DIP2C: variants seen among roughly 807,000 people sequenced by gnomAD.
DIP2C encodes the protein disco-interacting protein 2 homolog C.
In DIP2C, 33 loss-of-function variants were observed where a neutral mutation model predicts 192.4. The ratio of observed to expected loss-of-function variants is 0.17; its 90% CI spans 0.13 to 0.23. DIP2C has a LOEUF of 0.23. DIP2C is among the 10% of genes least tolerant of loss of function. DIP2C has a pLI of 1.00. For missense variants in DIP2C, 1,537 were observed against 2,110.1 expected, an observed-to-expected ratio of 0.73 and a Z score of 5.32; for synonymous variants, 979 against 864.1, an observed-to-expected ratio of 1.13 and a Z score of -2.33.
chr10:330,315 T>C (rs1176734253), intron 29 of DIP2C, among the ~76,000 whole-genome samples: 1 of 151,822 alleles, frequency 6.6e-6, no homozygotes, highest in Non-Finnish European at 1.5e-5. Flanking sequence ...ACCTTCATAC[T>C]AGAGAACAGA....
At chr10:288,231 C>T (rs1726039815) in intron 33 of DIP2C, 133 bp downstream of exon 33, 2 of 864,132 alleles carry the variant, frequency 2.3e-6, no homozygotes, top group Admixed American at 2.5e-5. Context: ...AGTTTCTATA[C>T]TCACTGATAT....
chr10:442,162 G>A (rs943126930), intron 3 of DIP2C, among the ~76,000 whole-genome samples: 12 of 152,186 alleles, frequency 7.9e-5, no homozygotes, highest in Non-Finnish European at 1.2e-4. Flanking sequence ...GAGTGAAGAC[G>A]GGTTGGGGGA....
intron 1 of DIP2C, among the ~76,000 whole-genome samples, chr10:583,729 G>A (rs1850806568): frequency 6.6e-6 from 1 of 152,158 alleles, no homozygotes; most frequent in African/African-American, 2.4e-5. Context: ...ATAAAATAAA[G>A]AACACCCGAT....
At chr10:477,700 G>C (rs1418855227) in intron 2 of DIP2C, among the ~76,000 whole-genome samples, 1 of 143,874 alleles carries the variant, frequency 7.0e-6, no homozygotes, top group East Asian at 2.2e-4. Context: ...CGGAGAAAAG[G>C]AAAGAATAAA....
intron 1 of DIP2C, among the ~76,000 whole-genome samples, chr10:596,012 T>TG (rs1310196492): frequency 1.3e-5 from 2 of 152,196 alleles, no homozygotes; most frequent in African/African-American, 4.8e-5. Flanking sequence ...GCACCAAGGC[T>TG]GGGGTGACTG....
intron 28 of DIP2C, among the ~76,000 whole-genome samples, chr10:343,772 T>C (rs1413157919): frequency 6.6e-6 from 1 of 152,212 alleles, no homozygotes; most frequent in Non-Finnish European, 1.5e-5. Flanking sequence ...GCACTATTTC[T>C]AGGTGGAGAA....
chr10:316,283 TA>T, intron 31 of DIP2C, among the ~76,000 whole-genome samples: 1 of 152,220 alleles, frequency 6.6e-6, no homozygotes, highest in African/African-American at 2.4e-5. Context: ...AAAGATTAAA[TA>T]ACATTTACCC....
chr10:277,484 G>A lies in DIP2C; in HGVS notation c.4512C>T (p.Asn1504=), dbSNP rs745394577. 5 of 1,614,182 alleles carry A rather than the reference G, an allele frequency of 3.1e-6. No homozygotes were observed. The South Asian group carries it at 3.3e-5, about 11-fold the overall frequency. The change falls in exon 37 of 37, where the codon AAC becomes AAT. Residue 1504 remains asparagine (N), a synonymous_variant. Transcript: ENST00000280886. The part of the protein sequence containing the change: ...EALDLVPLVT[N]VVLEEHYLIV... ...TCAGGTAGTGCTCCTCCAGGACCACGTTGGTCACCAAGGGAACCAGGTCCA... is the reference window on the plus strand; with the variant it reads ...TCAGGTAGTGCTCCTCCAGGACCACATTGGTCACCAAGGGAACCAGGTCCA...
At chr10:367,866 C>A (rs1421638583) in intron 18 of DIP2C, among the ~76,000 whole-genome samples, 1 of 152,270 alleles carries the variant, frequency 6.6e-6, no homozygotes, top group Non-Finnish European at 1.5e-5. Context: ...AGAGGACACA[C>A]ACGGGGTGGG....
intron 1 of DIP2C, among the ~76,000 whole-genome samples, chr10:591,173 A>G (rs763346200): frequency 2.0e-5 from 3 of 151,944 alleles, no homozygotes; most frequent in Non-Finnish European, 4.4e-5. Flanking sequence ...CCCAGGGTGG[A>G]GTGGAGTGGC....
In DIP2C at chr10:414,739, G is replaced by GTATATATATATATATATATATATATA. The variant is rs1554847955; in HGVS notation, c.860-630_860-629insTATATATATATATATATATATATATA. Among the ~76,000 whole-genome samples the GTATATATATATATATATATATATATA allele has an allele frequency of 1.7e-3, 155 of 90,478 alleles. 8 individuals are homozygous for GTATATATATATATATATATATATATA. The highest frequency in any genetic ancestry group is 2.4e-3 in the Non-Finnish European group (110 of 46,578). 59.4% of individuals were successfully genotyped at this position (90,478 alleles called of 152,430 possible). ...TGTGTGTGTGTGTGTGTGTGTGTGTGTACATATATATATATATAATGTGTA... is the reference window on the plus strand; with the variant it reads ...TGTGTGTGTGTGTGTGTGTGTGTGTGTATATATATATATATATATATATATATACATATATATATATATAATGTGTA... On this transcript the variant is annotated intron_variant, in intron 7 of 36. Transcript: ENST00000280886.
chr10:585,400 A>G lies in DIP2C; in HGVS notation c.86-98870T>C, dbSNP rs184558703. Among the ~76,000 whole-genome samples, 250 of 152,338 alleles carry G rather than the reference A, an allele frequency of 1.6e-3. 1 individual carries two copies. Among genetic ancestry groups the G allele is most frequent in the African/African-American group, 5.8e-3 (241 of 41,578 alleles). On this transcript the variant is annotated intron_variant, in intron 1 of 36. Coordinates refer to ENST00000280886, the MANE Select transcript of DIP2C (RefSeq NM_014974.3). ...AAACACACACAGCCCTGAGTATTCCACATAGTATTACATTCAGTAAATCGC... is the reference window on the plus strand; with the variant it reads ...AAACACACACAGCCCTGAGTATTCCGCATAGTATTACATTCAGTAAATCGC...
At chr10:577,844 AAAG>A (rs941816045) in intron 1 of DIP2C, among the ~76,000 whole-genome samples, 4 of 151,384 alleles carry the variant, frequency 2.6e-5, no homozygotes, top group African/African-American at 7.3e-5. Context: ...TTTAACCACA[AAAG>A]AAGAAAGAAC....
At chr10:538,505 C>T (rs1402410346) in intron 1 of DIP2C, among the ~76,000 whole-genome samples, 1 of 152,232 alleles carries the variant, frequency 6.6e-6, no homozygotes, top group African/African-American at 2.4e-5. Context: ...ATCCTGGACT[C>T]TTCCAGTCCG....
At chr10:508,404 G>A (rs1588337200) in intron 1 of DIP2C, among the ~76,000 whole-genome samples, 1 of 152,210 alleles carries the variant, frequency 6.6e-6, no homozygotes, top group Admixed American at 6.5e-5. Flanking sequence ...CCCCATCCTC[G>A]ATTTCCTGGT....
At position 645,300 on chromosome 10, in the gene DIP2C, C is replaced by T. The variant is rs76732524; in HGVS notation, c.85+44194G>A. 2.8e-3 allele frequency among the ~76,000 whole-genome samples: 420 copies of T among 152,232 alleles called. 16 individuals are homozygous for T. In the East Asian group the frequency reaches 0.064, roughly 23 times the overall value. ...GTCTTGAAAAGTCTATCAGAGTACA[C>T]CCCCTTATCAAAGTGGCACACGGCT... is the stretch of plus-strand genomic sequence containing the variant. On this transcript the variant is annotated intron_variant, in intron 1 of 36. Transcript: ENST00000280886.
intron 1 of DIP2C, chr10:662,784 C>G (rs374026665): frequency 4.2e-6 from 3 of 706,410 alleles, no homozygotes. Flanking sequence ...TGCCTATTCT[C>G]TTTTAGAAGA....
At chr10:659,691 T>A (rs908010891) in intron 1 of DIP2C, among the ~76,000 whole-genome samples, 1 of 152,268 alleles carries the variant, frequency 6.6e-6, no homozygotes, top group African/African-American at 2.4e-5. Flanking sequence ...GACCTCGGAA[T>A]GAATATACTC....
rs1325243500 is a variant in DIP2C, at chr10:486,518, T to C, written c.98A>G (p.Gln33Arg). The C allele has an allele frequency of 2.8e-5, 45 of 1,606,618 alleles. No individual in the cohort carries two copies. The highest frequency in any genetic ancestry group is 3.8e-5 in the Non-Finnish European group (45 of 1,176,652). ...ELELSEGDIT[Q>R]KGYEKKRSKL... Reference sequence around the variant, plus strand: ...TGACCTCTTCTTTTCATATCCTTTTTGTGTGATGTCACCTGCAAGAGAAGG... The same window carrying C: ...TGACCTCTTCTTTTCATATCCTTTTCGTGTGATGTCACCTGCAAGAGAAGG... Residue 33 changes from glutamine (Q) to arginine (R), a missense_variant, in exon 2 of 37, where the codon CAA (glutamine) becomes CGA (arginine). Transcript: ENST00000280886.
Sources: allele counts gnomAD v4.1 joint callset (sites outside exome capture counted in the v4.1 genomes callset), GRCh38; gene constraint gnomAD v4.1.1; transcripts MANE v1.5; gene names NCBI Gene and HGNC (gene_info 2026-07-23, HGNC 2026-07-21).